The following ULK4 variants were observed in gnomAD, a reference collection of about 807,000 sequenced individuals.
The protein encoded by ULK4 is unc-51 like kinase 4, also known as inactive serine/threonine-protein kinase ULK4.
In ULK4, 133 loss-of-function variants were observed where a neutral mutation model predicts 160.6. That is an observed-to-expected ratio of 0.83 (90% confidence interval 0.72 to 0.96). The LOEUF (loss-of-function observed/expected upper bound fraction) is 0.96. ULK4 is among the 40% of genes least tolerant of loss of function. ULK4 has a pLI of 0.00. For synonymous variants in ULK4, 534 were observed against 539.8 expected (o/e 0.99, Z 0.15); for missense variants, 1,580 against 1,499.5 (o/e 1.05, Z -0.89).
In ULK4 at chr3:41,616,625, T is replaced by C. The variant is rs115693459; in HGVS notation, c.3072-908A>G. On this transcript the variant is annotated intron_variant, in intron 30 of 36. Transcript: ENST00000301831. The stretch of plus-strand genomic sequence containing the variant: ...GTTACTACGCTTTTCCCACGGTTTT[T>C]TCAATCTGCAGATCAGGAGATTCCC... Among the ~76,000 whole-genome samples, 1,414 of 152,266 alleles carry C rather than the reference T, an allele frequency of 9.3e-3. 21 individuals are homozygous for C. Among genetic ancestry groups the C allele is most frequent in the African/African-American group, 0.031 (1,304 of 41,564 alleles).
Position 41,515,034 on chromosome 3 carries a change from C to G in ULK4, c.3226+50991G>C, listed in dbSNP as rs114968958. Among the ~76,000 whole-genome samples, 930 of 152,162 alleles carry G rather than the reference C, an allele frequency of 6.1e-3. 3 individuals are homozygous for G. The highest frequency in any genetic ancestry group is 0.011 in the Non-Finnish European group (756 of 67,998). On this transcript the variant is annotated intron_variant, in intron 32 of 36. Transcript: ENST00000301831. Reference sequence around the variant, plus strand: ...TGTTGGGAGGCTGGGGCGGGTAGATCACTTGAGGTCAGGAGTTTTTGTCAC... The same window carrying G: ...TGTTGGGAGGCTGGGGCGGGTAGATGACTTGAGGTCAGGAGTTTTTGTCAC...
At chr3:41,385,739 G>T (rs755765582) in intron 35 of ULK4, among the ~76,000 whole-genome samples, 38 of 152,254 alleles carry the variant, frequency 2.5e-4, no homozygotes, top group Non-Finnish European at 5.4e-4. Flanking sequence ...ATGATGTGTA[G>T]TTGGAAAAAC....
intron 35 of ULK4, among the ~76,000 whole-genome samples, chr3:41,289,045 G>T (rs961667081): frequency 6.6e-6 from 1 of 152,148 alleles, no homozygotes; most frequent in African/African-American, 2.4e-5. Flanking sequence ...CACGGGGAGC[G>T]GCAGAGCAGC....
intron 35 of ULK4, among the ~76,000 whole-genome samples, chr3:41,280,424 G>A (rs1030476594): frequency 3.7e-5 from 5 of 136,000 alleles, no homozygotes; most frequent in Non-Finnish European, 7.5e-5. Context: ...GCACTCCTGA[G>A]CAATGTAAAA....
intron 35 of ULK4, among the ~76,000 whole-genome samples, chr3:41,291,913 C>T (rs1459544621): frequency 2.0e-5 from 3 of 151,562 alleles, no homozygotes; most frequent in Admixed American, 6.6e-5. Context: ...TCACTGCAAG[C>T]TCCGCCTCCC....
At chr3:41,850,504 C>T (rs1184159845) in intron 17 of ULK4, among the ~76,000 whole-genome samples, 2 of 151,898 alleles carry the variant, frequency 1.3e-5, no homozygotes, top group Non-Finnish European at 2.9e-5. Context: ...GATTGCCATT[C>T]TAACTGGTGT....
At chr3:41,858,087 T>C (rs1399873847) in intron 17 of ULK4, among the ~76,000 whole-genome samples, 2 of 151,758 alleles carry the variant, frequency 1.3e-5, no homozygotes, top group Non-Finnish European at 2.9e-5. Flanking sequence ...TAGGCACTTA[T>C]AGCTATAAAA....
rs1290990477 is a variant in ULK4, at chr3:41,800,281, C to G, written c.1861G>C (p.Val621Leu). ...ATAATTTTTGCTGCCATGTGATTCACAACACGCTCTTCCTATAGAGAAAGG... is the reference window on the plus strand; with the variant it reads ...ATAATTTTTGCTGCCATGTGATTCAGAACACGCTCTTCCTATAGAGAAAGG... ...RCLREGEERV[V>L]NHMAAKIIEN... Residue 621 changes from valine (V) to leucine (L), a missense_variant, in exon 20 of 37, where the codon GTG (valine) becomes CTG (leucine). By Grantham distance (32) the Val-to-Leu change is conservative (BLOSUM62 1). Coordinates refer to ENST00000301831, the MANE Select transcript of ULK4 (RefSeq NM_017886.4). The G allele has an allele frequency of 2.5e-6, 4 of 1,611,966 alleles. No homozygotes were observed. The highest frequency in any genetic ancestry group is 3.4e-6 in the Non-Finnish European group (4 of 1,179,350).
chr3:41,672,476 T>C (rs1266499000), intron 29 of ULK4, among the ~76,000 whole-genome samples: 2 of 152,180 alleles, frequency 1.3e-5, no homozygotes, highest in Non-Finnish European at 2.9e-5. Context: ...CATTCTCTTA[T>C]ATGTGGAAGC....
intron 17 of ULK4, among the ~76,000 whole-genome samples, chr3:41,840,736 T>C (rs1480227761): frequency 6.6e-6 from 1 of 152,192 alleles, no homozygotes; most frequent in African/African-American, 2.4e-5. Flanking sequence ...ACCTCCACCT[T>C]CCAGCCGCCT....
chr3:41,475,426 C>T (rs886204638), intron 32 of ULK4, among the ~76,000 whole-genome samples: 1 of 152,032 alleles, frequency 6.6e-6, no homozygotes, highest in Non-Finnish European at 1.5e-5. Context: ...ATATAATGCA[C>T]AGCATGGTGA....
chr3:41,806,356 C>G (rs2040641587), intron 19 of ULK4, among the ~76,000 whole-genome samples: 1 of 152,040 alleles, frequency 6.6e-6, no homozygotes, highest in African/African-American at 2.4e-5. Context: ...TTTATTGAGT[C>G]TATTTGATTC....
At chr3:41,745,285 A>G (rs2038380852) in intron 22 of ULK4, among the ~76,000 whole-genome samples, 1 of 151,648 alleles carries the variant, frequency 6.6e-6, no homozygotes, top group African/African-American at 2.4e-5. Flanking sequence ...AAAAATAAAA[A>G]CAGAAGAGGT....
chr3:41,688,896 A>G (rs1276105834), intron 27 of ULK4, among the ~76,000 whole-genome samples: 3 of 152,118 alleles, frequency 2.0e-5, no homozygotes, highest in Non-Finnish European at 2.9e-5. Flanking sequence ...ACTCTAACCC[A>G]CAACCTCTAC....
chr3:41,570,416 T>C (rs2087930549), intron 31 of ULK4, among the ~76,000 whole-genome samples: 1 of 152,184 alleles, frequency 6.6e-6, no homozygotes, highest in African/African-American at 2.4e-5. Flanking sequence ...AAAGGGTGAT[T>C]AATAAGCACC....
intron 16 of ULK4, among the ~76,000 whole-genome samples, chr3:41,890,228 T>C (rs1254352010): frequency 6.6e-6 from 1 of 152,130 alleles, no homozygotes; most frequent in Non-Finnish European, 1.5e-5. Flanking sequence ...TTATGGTATG[T>C]GAATTATACC....
intron 35 of ULK4, among the ~76,000 whole-genome samples, chr3:41,313,646 T>A (rs997107951): frequency 6.6e-5 from 10 of 152,226 alleles, no homozygotes; most frequent in African/African-American, 1.9e-4. Flanking sequence ...TTAAAATTCA[T>A]CTTTAATGAT....
At chr3:41,560,322 C>G (rs933317564) in intron 32 of ULK4, among the ~76,000 whole-genome samples, 1 of 152,104 alleles carries the variant, frequency 6.6e-6, no homozygotes, top group African/African-American at 2.4e-5. Flanking sequence ...GTTCTTTTGG[C>G]TTAGGATTAT....
chr3:41,252,406 T>C (rs1015671718), intron 35 of ULK4, among the ~76,000 whole-genome samples: 6 of 152,026 alleles, frequency 3.9e-5, no homozygotes, highest in Non-Finnish European at 8.8e-5. Context: ...AGTATTACAA[T>C]AGAATATATC....
Sources: gnomAD v4.1 joint callset for allele counts (sites outside exome capture counted in the v4.1 genomes callset) on GRCh38, gnomAD v4.1.1 for gene constraint, MANE v1.5 for transcripts, NCBI Gene and HGNC (gene_info 2026-07-23, HGNC 2026-07-21) for gene names.